The following TDRD5 variants were observed in gnomAD, a reference collection of about 807,000 sequenced individuals.
The protein encoded by TDRD5 is tudor domain-containing protein 5.
A neutral mutation model predicts 120.6 loss-of-function variants in TDRD5; 41 were observed. The ratio of observed to expected loss-of-function variants is 0.34; its 90% CI spans 0.26 to 0.44. TDRD5 has a LOEUF of 0.44. TDRD5 is among the 20% of genes least tolerant of loss of function. The probability of loss-of-function intolerance (pLI) is 1.00; values close to 1 mark genes in which losing one functional copy is unlikely to be tolerated. For synonymous variants in TDRD5, 430 were observed against 433.7 expected (o/e 0.99, Z 0.11); for missense variants, 1,006 against 1,221.2 (o/e 0.82, Z 2.63).
At chr1:179,647,586 C>G (rs1177014196) in intron 11 of TDRD5, among the ~76,000 whole-genome samples, 6 of 151,558 alleles carry the variant, frequency 4.0e-5, no homozygotes. Context: ...GCAACAAAAG[C>G]CAAAATTGAC....
intron 16 of TDRD5, among the ~76,000 whole-genome samples, chr1:179,668,724 T>C (rs1558419659): frequency 6.7e-6 from 1 of 150,142 alleles, no homozygotes; most frequent in Non-Finnish European, 1.5e-5. Context: ...TTGCTTTTTC[T>C]AGAGAGTATC....
chr1:179,644,657 T>C (rs1678243417), intron 11 of TDRD5, among the ~76,000 whole-genome samples: 1 of 151,934 alleles, frequency 6.6e-6, no homozygotes, highest in Non-Finnish European at 1.5e-5. Context: ...TTGCCCATAA[T>C]TTTTTTTGTC....
At chr1:179,622,405 T>G (rs777886898) in intron 6 of TDRD5, among the ~76,000 whole-genome samples, 7 of 152,100 alleles carry the variant, frequency 4.6e-5, no homozygotes, top group Non-Finnish European at 1.0e-4. Context: ...CTAGACACAG[T>G]AAGAAACAAG....
chr1:179,651,918 A>G lies in TDRD5; in HGVS notation c.2002-121A>G, dbSNP rs1019809066. On this transcript the variant is annotated intron_variant, in intron 12 of 17. Transcript: ENST00000444136. ...ACAGAGCGAGACTCCATCTCGAAATAAATAAATAAAATTTGGAAGATAATA... is the reference window on the plus strand; with the variant it reads ...ACAGAGCGAGACTCCATCTCGAAATGAATAAATAAAATTTGGAAGATAATA... The G allele has an allele frequency of 9.5e-6, 11 of 1,155,886 alleles. No individual in the cohort carries two copies. In the African/African-American group the frequency reaches 1.8e-4, roughly 19 times the overall value. 71.6% of individuals were successfully genotyped at this position (1,155,886 alleles called of 1,614,324 possible).
intron 11 of TDRD5, among the ~76,000 whole-genome samples, chr1:179,642,781 TTC>T (rs1678125959): frequency 1.3e-5 from 2 of 152,318 alleles, no homozygotes; most frequent in South Asian, 2.1e-4. Flanking sequence ...CTCACTTTAT[TTC>T]TGTGTCTTTT....
At chr1:179,626,883 A>T (rs1197083148) in intron 6 of TDRD5, among the ~76,000 whole-genome samples, 1 of 152,198 alleles carries the variant, frequency 6.6e-6, no homozygotes, top group Admixed American at 6.5e-5. Context: ...GAAAACTAGA[A>T]TTCAAGTAAA....
chr1:179,644,426 A>G (rs1678227625), intron 11 of TDRD5, among the ~76,000 whole-genome samples: 1 of 152,198 alleles, frequency 6.6e-6, no homozygotes, highest in African/African-American at 2.4e-5. Flanking sequence ...AAAGGCTACA[A>G]ATCATGAAAT....
chr1:179,683,017 T>TTC (rs34834861), intron 17 of TDRD5, among the ~76,000 whole-genome samples: 50,605 of 150,870 alleles, frequency 0.34, 8,545 homozygotes, highest in Admixed American at 0.41. Flanking sequence ...CCTCAGTTTC[T>TTC]TCTCTCTCTC....
intron 11 of TDRD5, among the ~76,000 whole-genome samples, chr1:179,647,902 A>G (rs1208261517): frequency 1.3e-5 from 2 of 149,238 alleles, no homozygotes; most frequent in Non-Finnish European, 1.5e-5. Flanking sequence ...ATGAGATACC[A>G]TCTCACACCA....
intron 4 of TDRD5, among the ~76,000 whole-genome samples, chr1:179,600,393 A>T (rs914491255): frequency 1.3e-5 from 2 of 152,212 alleles, no homozygotes; most frequent in African/African-American, 4.8e-5. Context: ...TATTCAGTAC[A>T]GTAACATGCT....
rs141924729 is a variant in TDRD5 at position 179,677,839 on chromosome 1, C to A, written c.2860+8435C>A. 1.2e-3 allele frequency among the ~76,000 whole-genome samples: 188 copies of A among 152,250 alleles called. 1 individual carries two copies. The highest frequency in any genetic ancestry group is 3.4e-3 in the Middle Eastern group (1 of 294). On this transcript the variant is annotated intron_variant, in intron 17 of 17. Coordinates refer to ENST00000444136, the MANE Select transcript of TDRD5 (RefSeq NM_001199085.3). ...GGCTTTGTGTTGGTTGACCTCCAGC[C>A]AGGAGGTGGTGCTTTCAAAAGTACA...
chr1:179,640,067 T>G lies in TDRD5; in HGVS notation c.1733+16T>G, dbSNP rs1250469277. 1.9e-6 allele frequency: 3 copies of G among 1,611,688 alleles called. No homozygotes were observed. Among genetic ancestry groups the G allele is most frequent in the Non-Finnish European group, 2.5e-6 (3 of 1,178,218 alleles). ...GGTTCCTCAAGTGAGTTGAATTGAATTAGAACAATGGATGAATTAAATTTT... is the reference window on the plus strand; with the variant it reads ...GGTTCCTCAAGTGAGTTGAATTGAAGTAGAACAATGGATGAATTAAATTTT... On this transcript the variant is annotated intron_variant, in intron 10 of 17. Transcript: ENST00000444136.
At chr1:179,608,621 C>T (rs1424988271) in intron 4 of TDRD5, among the ~76,000 whole-genome samples, 3 of 152,030 alleles carry the variant, frequency 2.0e-5, no homozygotes, top group African/African-American at 4.8e-5. Flanking sequence ...TTTTAATATA[C>T]TCATTTCTTC....
chr1:179,631,785 A>G (rs1262369019), intron 7 of TDRD5, among the ~76,000 whole-genome samples: 1 of 151,438 alleles, frequency 6.6e-6, no homozygotes, highest in Non-Finnish European at 1.5e-5. Context: ...CAGTTTTTCC[A>G]AGAATGTCTT....
intron 17 of TDRD5, among the ~76,000 whole-genome samples, chr1:179,674,413 C>A (rs1390546574): frequency 6.6e-6 from 1 of 152,118 alleles, no homozygotes; most frequent in Admixed American, 6.5e-5. Flanking sequence ...GGTGGATTAT[C>A]TTTTCAGTAT....
intron 14 of TDRD5, among the ~76,000 whole-genome samples, chr1:179,659,186 C>G (rs913532078): frequency 1.3e-5 from 2 of 152,018 alleles, no homozygotes; most frequent in Non-Finnish European, 2.9e-5. Flanking sequence ...TGGTAAATGT[C>G]CATGTGTCTT....
At chr1:179,631,049 T>C in intron 7 of TDRD5, 129 bp downstream of exon 7, 1 of 975,834 alleles carries the variant, frequency 1.0e-6, no homozygotes, top group Non-Finnish European at 1.5e-6. Flanking sequence ...GTATTTGTTG[T>C]AATAAGGTTA....
intron 11 of TDRD5, among the ~76,000 whole-genome samples, chr1:179,642,034 A>C (rs141699611): frequency 2.6e-5 from 4 of 151,482 alleles, no homozygotes; most frequent in Non-Finnish European, 5.9e-5. Context: ...CATTACTTTC[A>C]TATCAGCCAG....
At chr1:179,626,420 G>T (rs904443507) in intron 6 of TDRD5, among the ~76,000 whole-genome samples, 1 of 152,154 alleles carries the variant, frequency 6.6e-6, no homozygotes, top group Non-Finnish European at 1.5e-5. Context: ...AGAACTTGCT[G>T]AGGTAATGGA....
Sources: gnomAD v4.1 joint callset for allele counts (sites outside exome capture counted in the v4.1 genomes callset) on GRCh38, gnomAD v4.1.1 for gene constraint, MANE v1.5 for transcripts, NCBI Gene and HGNC (gene_info 2026-07-23, HGNC 2026-07-21) for gene names.